Variants in MAN2B2 observed in about 807,000 individuals in gnomAD.
The protein encoded by MAN2B2 is epididymis-specific alpha-mannosidase.
MAN2B2 carries 106 observed loss-of-function variants against 117.1 expected under a neutral mutation model. That is an observed-to-expected ratio of 0.90 (90% CI 0.77 to 1.06). The LOEUF (loss-of-function observed/expected upper bound fraction) is 1.06, where lower values mean the gene tolerates loss of function less well. MAN2B2 is among the 50% of genes least tolerant of loss of function. The pLI is 0.00. For missense variants in MAN2B2, 1,326 were observed against 1,381.4 expected, an observed-to-expected ratio of 0.96 and a Z score of 0.64; for synonymous variants, 544 against 595.1, an observed-to-expected ratio of 0.91 and a Z score of 1.25.
rs1303884082 is a variant in MAN2B2, at chr4:6,579,207, CCAT to C, written c.391+712_391+714del. 4.1e-3 allele frequency among the ~76,000 whole-genome samples: 387 copies of C among 94,968 alleles called. 2 individuals carry two copies. Among genetic ancestry groups the C allele is most frequent in the African/African-American group, 0.014 (369 of 26,272 alleles). 62.3% of individuals were successfully genotyped at this position (94,968 alleles called of 152,430 possible). ...ACCATCACCAGCACCACCACCATCA[CCAT>C]CACCACCACCACCACCACCATCACC... On this transcript the variant is annotated intron_variant, in intron 3 of 18. Transcript: ENST00000285599.
chr4:6,603,300 A>T (rs1215304966), intron 10 of MAN2B2, among the ~76,000 whole-genome samples: 1 of 151,880 alleles, frequency 6.6e-6, no homozygotes, highest in South Asian at 2.1e-4. Flanking sequence ...GACATCACTC[A>T]TTCACTCAGC....
chr4:6,622,145 A>G lies in MAN2B2; in HGVS notation c.*860A>G, dbSNP rs1712204298. On this transcript the variant is annotated 3_prime_UTR_variant, in exon 19 of 19. Coordinates refer to ENST00000285599, the MANE Select transcript of MAN2B2 (RefSeq NM_015274.3). ...AAGGAAGGAAATTCTGACGCATGCC[A>G]CAGCCTGAGTGAATCCTACAAATAT... 6.6e-6 allele frequency: 1 copy of G among 152,256 alleles called. No homozygotes were observed. The highest frequency in any genetic ancestry group is 1.5e-5 in the Non-Finnish European group (1 of 68,044). The allele number at this position is 152,256 out of a possible 1,614,324, so 9.4% of individuals were successfully genotyped here.
At position 6,619,959 on chromosome 4, in the gene MAN2B2, A is replaced by C. The variant is rs1712083214; in HGVS notation, c.2847A>C (p.Ala949=). 1 of 1,613,858 alleles carries C rather than the reference A, an allele frequency of 6.2e-7. No homozygotes were observed. The highest frequency in any genetic ancestry group is 8.5e-7 in the Non-Finnish European group (1 of 1,179,964). Residue 949 remains alanine (A), a synonymous_variant, in exon 18 of 19, where the codon GCA becomes GCC. Transcript: ENST00000285599. ...TGCAGGCGCTGGGGTCCGTGGTGGC[A>C]GTGGAGGAGCGCTCGCTCACAGGGA... ...AVLQALGSVV[A]VEERSLTGTW...
rs1727672904 is a variant in MAN2B2 at position 6,609,313 on chromosome 4, G to A, written c.2006+15G>A. The A allele has an allele frequency of 2.0e-5, 33 of 1,610,706 alleles. No homozygotes were observed. Among genetic ancestry groups the A allele is most frequent in the Non-Finnish European group, 2.6e-5 (31 of 1,178,032 alleles). On this transcript the variant is annotated intron_variant, in intron 12 of 18. Transcript: ENST00000285599. ...TACTTCTACAGGTGCTTCCCCTGGG[G>A]TGACCCCCACAGCCCGGCACACAGT...
At chr4:6,611,782 A>T (rs1278143617) in intron 15 of MAN2B2, among the ~76,000 whole-genome samples, 1 of 152,182 alleles carries the variant, frequency 6.6e-6, no homozygotes, top group Non-Finnish European at 1.5e-5. Context: ...TGGCAAAGCG[A>T]GACTCTGTCT....
intron 16 of MAN2B2, among the ~76,000 whole-genome samples, chr4:6,615,209 A>G (rs1711806658): frequency 6.6e-6 from 1 of 152,186 alleles, no homozygotes; most frequent in African/African-American, 2.4e-5. Flanking sequence ...CAGCCTGGGC[A>G]GCATAGGAAG....
In MAN2B2 at chr4:6,614,324, C is replaced by T; in HGVS notation, c.2670C>T (p.Asn890=). The T allele has an allele frequency of 6.2e-7, 1 of 1,614,168 alleles. No homozygotes were observed. Among genetic ancestry groups the T allele is most frequent in the Non-Finnish European group, 8.5e-7 (1 of 1,180,016 alleles). The change falls in exon 16 of 19, where the codon AAC becomes AAT. Residue 890 remains asparagine (N), a synonymous_variant. Transcript: ENST00000285599. The part of the protein sequence containing the change: ...LSIPGWRYSS[N]HTEHSQNLRK... ...TCCCTGGCTGGCGCTACAGCTCCAACCACACGGAGCACTCTCAGAATCTCC... is the reference window on the plus strand; with the variant it reads ...TCCCTGGCTGGCGCTACAGCTCCAATCACACGGAGCACTCTCAGAATCTCC...
At chr4:6,579,310 C>CCACCACCACCACCAT (rs1726303542) in intron 3 of MAN2B2, among the ~76,000 whole-genome samples, 2 of 72,624 alleles carry the variant, frequency 2.8e-5, no homozygotes, top group Non-Finnish European at 6.3e-5. Flanking sequence ...ATCACCACCA[C>CCACCACCACCACCAT]CACCACCATC....
chr4:6,593,523 C>G (rs1212935226), intron 6 of MAN2B2, among the ~76,000 whole-genome samples, 173 bp downstream of exon 6: 2 of 152,188 alleles, frequency 1.3e-5, no homozygotes, highest in Non-Finnish European at 2.9e-5. Flanking sequence ...CTCTACCAGC[C>G]CCTCCCCCAC....
chr4:6,576,710 C>T lies in MAN2B2; in HGVS notation c.271C>T (p.Gln91Ter), dbSNP rs781557986. Residue 91 changes from glutamine to a stop codon, truncating the protein, a stop_gained, in exon 2 of 19, where the codon CAG becomes TAG. Coordinates refer to ENST00000285599, the MANE Select transcript of MAN2B2 (RefSeq NM_015274.3). LOFTEE classifies it high-confidence loss of function. ...GTGGTGGGATGGCGTCGCCTCGGAC[C>T]AGCAGAAATACCAGGTAATGAGGTC... ...RLWWDGVASDQQKYQVRQLLE... is the reference protein window; with the variant it reads ...RLWWDGVASD 2 of 1,613,886 alleles carry T rather than the reference C, an allele frequency of 1.2e-6. No individual in the cohort carries two copies. Among genetic ancestry groups the T allele is most frequent in the African/African-American group, 2.7e-5 (2 of 75,046 alleles).
At chr4:6,618,139 C>G (rs1226192145) in intron 17 of MAN2B2, 1 of 152,492 alleles carries the variant, frequency 6.6e-6, no homozygotes, top group African/African-American at 2.4e-5. Flanking sequence ...CGTGAGCCAC[C>G]AAGCCTGGCC....
chr4:6,604,021 C>G lies in MAN2B2; in HGVS notation c.1540-1034C>G, dbSNP rs1009300798. Among the ~76,000 whole-genome samples, 3 of 152,224 alleles carry G rather than the reference C, an allele frequency of 2.0e-5. No individual in the cohort carries two copies. The South Asian group carries it at 6.2e-4, about 31-fold the overall frequency. ...GTGAGCAGAGGCCAGGAGGGTTAAC[C>G]TGGAAAAGTCCGTCCACGTGGGGAT... On this transcript the variant is annotated intron_variant, in intron 10 of 18. Coordinates refer to ENST00000285599, the MANE Select transcript of MAN2B2 (RefSeq NM_015274.3).
chr4:6,620,569 T>C (rs1334766069), intron 18 of MAN2B2: 5 of 173,310 alleles, frequency 2.9e-5, no homozygotes, highest in Admixed American at 2.2e-4. Context: ...TCCTCCACTC[T>C]CCTGGCCCCA....
chr4:6,607,563 C>T (rs1229834302), intron 11 of MAN2B2, among the ~76,000 whole-genome samples: 2 of 152,200 alleles, frequency 1.3e-5, no homozygotes, highest in South Asian at 2.1e-4. Context: ...ATCAGTACTT[C>T]GTTCCTTTTC....
chr4:6,603,123 G>T (rs28496600), intron 10 of MAN2B2, among the ~76,000 whole-genome samples: 1 of 152,138 alleles, frequency 6.6e-6, no homozygotes, highest in African/African-American at 2.4e-5. Flanking sequence ...AAAGCCTTCA[G>T]GAATCTTAAA....
intron 6 of MAN2B2, 83 bp downstream of exon 6, chr4:6,593,433 C>T (rs1726938180): frequency 7.3e-7 from 1 of 1,360,678 alleles, no homozygotes. Flanking sequence ...CCAGGGCCAC[C>T]CTATCCAGAC....
chr4:6,592,367 C>T (rs1726892083), intron 5 of MAN2B2, among the ~76,000 whole-genome samples: 1 of 152,120 alleles, frequency 6.6e-6, no homozygotes, highest in African/African-American at 2.4e-5. Flanking sequence ...GACTGTGATC[C>T]CAATGCTTTG....
chr4:6,598,897 C>A (rs1199280765), intron 9 of MAN2B2, among the ~76,000 whole-genome samples: 1 of 152,208 alleles, frequency 6.6e-6, no homozygotes, highest in African/African-American at 2.4e-5. Context: ...AGCCGTGGGA[C>A]CAGCCTCTTT....
In MAN2B2 at chr4:6,593,196, T is replaced by C. The variant is rs368833584; in HGVS notation, c.704T>C (p.Val235Ala). ...SNRSGFYWNGVAVFPKPPQDG... is the reference protein window; with the variant it reads ...SNRSGFYWNGAAVFPKPPQDG... ...AGGTCAGGATTTTACTGGAATGGCG[T>C]GGCTGTCTTCCCCAAGCCTCCCCAA... The change falls in exon 6 of 19, where the codon GTG (valine) becomes GCG (alanine). Residue 235 changes from valine to alanine, a missense_variant. By Grantham distance (64) the Val-to-Ala change is moderately conservative. Coordinates refer to ENST00000285599, the MANE Select transcript of MAN2B2 (RefSeq NM_015274.3). The C allele has an allele frequency of 4.3e-6, 7 of 1,613,824 alleles. No homozygotes were observed. The highest frequency in any genetic ancestry group is 5.9e-6 in the Non-Finnish European group (7 of 1,179,864).
Sources: allele counts gnomAD v4.1 joint callset (sites outside exome capture counted in the v4.1 genomes callset), GRCh38; gene constraint gnomAD v4.1.1; transcripts MANE v1.5; gene names NCBI Gene and HGNC (gene_info 2026-07-23, HGNC 2026-07-21).